The following DCDC2C variants were observed in gnomAD, a reference collection of about 807,000 sequenced individuals.
The protein encoded by DCDC2C is doublecortin domain-containing protein 2C.
A neutral mutation model predicts 45.0 loss-of-function variants in DCDC2C; 44 were observed. That is an observed-to-expected ratio of 0.98 (90% CI 0.77 to 1.26). The LOEUF (loss-of-function observed/expected upper bound fraction) is 1.26. Among genes scored for constraint, DCDC2C ranks in the 50% most tolerant of loss-of-function variants. The pLI, the probability that DCDC2C is intolerant of heterozygous loss-of-function variation, is 0.00. For missense variants in DCDC2C, 447 were observed against 468.9 expected, an observed-to-expected ratio of 0.95 and a Z score of 0.43; for synonymous variants, 187 against 178.8, an observed-to-expected ratio of 1.05 and a Z score of -0.37.
chr2:3,754,800 T>C (rs1669643702), intron 6 of DCDC2C, among the ~76,000 whole-genome samples, 166 bp downstream of exon 6: 1 of 152,200 alleles, frequency 6.6e-6, no homozygotes, highest in South Asian at 2.1e-4. Context: ...TCAGATGCAC[T>C]TCTGAGAATG....
intron 10 of DCDC2C, among the ~76,000 whole-genome samples, chr2:3,831,454 A>T (rs909368983): frequency 6.6e-6 from 1 of 152,212 alleles, no homozygotes; most frequent in African/African-American, 2.4e-5. Flanking sequence ...AACATCGGCA[A>T]CTGTAACGCA....
At chr2:3,720,485 G>A (rs921002534) in intron 2 of DCDC2C, among the ~76,000 whole-genome samples, 1 of 152,200 alleles carries the variant, frequency 6.6e-6, no homozygotes, top group Admixed American at 6.5e-5. Flanking sequence ...CTGATGCCAA[G>A]ATGAGGAGGA....
intron 6 of DCDC2C, among the ~76,000 whole-genome samples, chr2:3,755,220 G>A (rs1669658721): frequency 6.6e-6 from 1 of 150,650 alleles, no homozygotes; most frequent in Non-Finnish European, 1.5e-5. Flanking sequence ...TGCATATGAT[G>A]TGTGCATGAT....
intron 8 of DCDC2C, among the ~76,000 whole-genome samples, chr2:3,771,171 A>G (rs1009614374): frequency 2.0e-5 from 3 of 152,226 alleles, no homozygotes; most frequent in African/African-American, 7.2e-5. Flanking sequence ...GCGAGAGCAG[A>G]AAGAGCGGCT....
chr2:3,783,819 A>C (rs1039257925), intron 9 of DCDC2C, among the ~76,000 whole-genome samples: 2 of 152,240 alleles, frequency 1.3e-5, no homozygotes, highest in African/African-American at 4.8e-5. Context: ...TCAAAAGGCT[A>C]AATCAGAAGA....
At chr2:3,708,159 A>G (rs1289718722) in intron 1 of DCDC2C, among the ~76,000 whole-genome samples, 1 of 151,944 alleles carries the variant, frequency 6.6e-6, no homozygotes, top group Non-Finnish European at 1.5e-5. Context: ...GCTGGAGGAG[A>G]GTCTGGGTTT....
At chr2:3,795,040 T>C (rs1670918265) in intron 10 of DCDC2C, among the ~76,000 whole-genome samples, 1 of 152,176 alleles carries the variant, frequency 6.6e-6, no homozygotes. Context: ...TTTTCTGACT[T>C]TTTAATGATT....
intron 10 of DCDC2C, among the ~76,000 whole-genome samples, chr2:3,800,066 C>T (rs1380871380): frequency 1.2e-4 from 19 of 152,222 alleles, no homozygotes; most frequent in East Asian, 3.9e-4. Context: ...GATATAATCT[C>T]GTGGTGCGCC....
In DCDC2C at chr2:3,847,674, A is replaced by G. The variant is rs1052224242; in HGVS notation, c.*491A>G. Among the ~76,000 whole-genome samples, 11 of 152,184 alleles carry G rather than the reference A, an allele frequency of 7.2e-5. No homozygotes were observed. Among genetic ancestry groups the G allele is most frequent in the Admixed American group, 7.2e-4 (11 of 15,274 alleles). On this transcript the variant is annotated 3_prime_UTR_variant, in exon 11 of 11. Transcript: ENST00000399143. ...AAAAAATCCAGGGTTCGCTGGTGAC[A>G]TGGTTTGGCTGTATGTCCTCACTCA...
intron 4 of DCDC2C, among the ~76,000 whole-genome samples, chr2:3,748,607 G>A (rs1316132913): frequency 1.3e-5 from 2 of 152,116 alleles, no homozygotes; most frequent in African/African-American, 4.8e-5. Flanking sequence ...TGAGTGTGAA[G>A]TCAAGGAAGA....
intron 10 of DCDC2C, among the ~76,000 whole-genome samples, chr2:3,837,226 T>G (rs1476995919): frequency 6.6e-6 from 1 of 152,212 alleles, no homozygotes; most frequent in Non-Finnish European, 1.5e-5. Flanking sequence ...TTGCTAAATC[T>G]GCTAAGGAGT....
intron 10 of DCDC2C, among the ~76,000 whole-genome samples, chr2:3,793,905 A>G (rs933981434): frequency 6.6e-6 from 1 of 152,218 alleles, no homozygotes; most frequent in African/African-American, 2.4e-5. Context: ...TTTGCTTGTG[A>G]TGTATAAAAA....
intron 6 of DCDC2C, among the ~76,000 whole-genome samples, chr2:3,758,485 A>G (rs1669787252): frequency 6.6e-6 from 1 of 152,206 alleles, no homozygotes; most frequent in Non-Finnish European, 1.5e-5. Flanking sequence ...TAAAAGTAGA[A>G]CATCACGATG....
chr2:3,824,006 G>A (rs1414761477), intron 10 of DCDC2C, among the ~76,000 whole-genome samples: 1 of 152,228 alleles, frequency 6.6e-6, no homozygotes, highest in Non-Finnish European at 1.5e-5. Context: ...AAACACATGG[G>A]CATGGCATGT....
intron 3 of DCDC2C, among the ~76,000 whole-genome samples, chr2:3,740,059 C>T (rs7566383): frequency 0.02 from 3,076 of 152,304 alleles, 101 homozygotes; most frequent in African/African-American, 0.07. Flanking sequence ...AACCCTAAGG[C>T]ACCTTCACTC....
At chr2:3,794,888 G>C (rs1180074634) in intron 10 of DCDC2C, among the ~76,000 whole-genome samples, 1 of 151,032 alleles carries the variant, frequency 6.6e-6, no homozygotes, top group South Asian at 2.1e-4. Flanking sequence ...CCAGTAATGG[G>C]ATGGCTGGGT....
At chr2:3,744,421 G>A (rs1483509878) in intron 4 of DCDC2C, among the ~76,000 whole-genome samples, 3 of 152,210 alleles carry the variant, frequency 2.0e-5, no homozygotes, top group African/African-American at 4.8e-5. Context: ...AGGCAAGGTC[G>A]AGACATCCAC....
intron 1 of DCDC2C, among the ~76,000 whole-genome samples, chr2:3,705,791 GA>G (rs1024671114): frequency 1.3e-5 from 2 of 151,756 alleles, no homozygotes; most frequent in African/African-American, 4.8e-5. Flanking sequence ...AAAATATTGA[GA>G]AAAAATTGAG....
At chr2:3,795,015 G>A (rs977354215) in intron 10 of DCDC2C, among the ~76,000 whole-genome samples, 29 of 152,136 alleles carry the variant, frequency 1.9e-4, no homozygotes, top group African/African-American at 6.5e-4. Context: ...TCCACATCCT[G>A]TCCAGCACCT....
Sources: gnomAD v4.1 joint callset for allele counts (sites outside exome capture counted in the v4.1 genomes callset) on GRCh38, gnomAD v4.1.1 for gene constraint, MANE v1.5 for transcripts, NCBI Gene and HGNC (gene_info 2026-07-23, HGNC 2026-07-21) for gene names.